CCDC15: variants seen among roughly 807,000 people sequenced by gnomAD.
CCDC15 encodes coiled-coil domain containing 15.
Under a neutral mutation model 114.5 loss-of-function variants are expected in CCDC15, and 105 were observed. The observed-to-expected ratio is 0.92, with a 90% confidence interval of 0.78 to 1.08. The LOEUF (loss-of-function observed/expected upper bound fraction) is 1.08, where lower values mean the gene tolerates loss of function less well. Ranked by LOEUF, CCDC15 falls within the 50% of genes least tolerant of loss-of-function variation. The pLI is 0.00. For missense variants in CCDC15, 1,105 were observed against 1,093.6 expected (o/e 1.01, Z -0.15); for synonymous variants, 334 against 377.8 (o/e 0.88, Z 1.34).
chr11:124,992,915 T>G (rs1391429781), intron 10 of CCDC15, among the ~76,000 whole-genome samples: 1 of 152,212 alleles, frequency 6.6e-6, no homozygotes. Context: ...GGAGAAGAGA[T>G]AGATAATAAA....
chr11:125,019,091 A>G (rs1039027201), intron 13 of CCDC15, among the ~76,000 whole-genome samples: 3 of 152,004 alleles, frequency 2.0e-5, no homozygotes, highest in Non-Finnish European at 2.9e-5. Flanking sequence ...TGAGAAAAAA[A>G]TTTGACTTCA....
At chr11:124,954,520 A>C (rs1244990600) in intron 1 of CCDC15, 150 bp downstream of exon 1, 1 of 440,838 alleles carries the variant, frequency 2.3e-6, no homozygotes, top group Non-Finnish European at 4.1e-6. Flanking sequence ...CAACTTAAAA[A>C]CCTTTCTTTG....
In CCDC15 at chr11:125,025,077, T is replaced by TATGA. The variant is rs1555074476; in HGVS notation, c.2412-13352_2412-13351insGAAT. 6.7e-4 allele frequency among the ~76,000 whole-genome samples: 82 copies of TATGA among 121,490 alleles called. 1 individual carries two copies. The highest frequency in any genetic ancestry group is 1.4e-3 in the East Asian group (6 of 4,156). 79.7% of individuals were successfully genotyped at this position (121,490 alleles called of 152,430 possible). A position where few individuals can be genotyped will look rare whatever the true frequency, so the allele number is the denominator to read the frequency against. Reference sequence around the variant, plus strand: ...ATGAATATATATATGAATATATGAATATATATGAATATATATATGAATATA... The same window carrying TATGA: ...ATGAATATATATATGAATATATGAATATGAATATATGAATATATATATGAATATA... On this transcript the variant is annotated intron_variant, in intron 13 of 15. Transcript: ENST00000344762.
chr11:125,037,905 T>G (rs1948786687), intron 13 of CCDC15, among the ~76,000 whole-genome samples: 1 of 148,406 alleles, frequency 6.7e-6, no homozygotes, highest in Non-Finnish European at 1.5e-5. Context: ...TTTGCTACAT[T>G]CTTACAGAAA....
chr11:125,027,924 T>C (rs1160840354), intron 13 of CCDC15, among the ~76,000 whole-genome samples: 1 of 152,162 alleles, frequency 6.6e-6, no homozygotes, highest in African/African-American at 2.4e-5. Context: ...ATGTGAGAGA[T>C]GAGGATCCAG....
chr11:124,984,093 G>A (rs927632509), intron 6 of CCDC15, among the ~76,000 whole-genome samples: 5 of 151,912 alleles, frequency 3.3e-5, no homozygotes, highest in Non-Finnish European at 7.4e-5. Context: ...GGCAGGGTGC[G>A]CTCACATTGG....
intron 6 of CCDC15, among the ~76,000 whole-genome samples, chr11:124,984,287 T>G (rs1948121242): frequency 6.6e-6 from 1 of 152,090 alleles, no homozygotes; most frequent in African/African-American, 2.4e-5. Context: ...TGGTGTGGTC[T>G]GCTGTGATGG....
chr11:124,986,667 C>CTGTGTGTGGG, intron 6 of CCDC15, 75 bp from the exon 7 acceptor site: 1 of 1,089,548 alleles, frequency 9.2e-7, no homozygotes, highest in Non-Finnish European at 1.2e-6. Context: ...CTACATGGTG[C>CTGTGTGTGGG]TGTGTGTGTG....
intron 4 of CCDC15, among the ~76,000 whole-genome samples, chr11:124,972,384 A>G (rs1056891550): frequency 2.0e-5 from 3 of 152,210 alleles, no homozygotes; most frequent in African/African-American, 7.2e-5. Flanking sequence ...ATGTATATAT[A>G]TACCACAGAC....
chr11:125,022,757 A>G (rs1355128508), intron 13 of CCDC15, among the ~76,000 whole-genome samples: 2 of 151,972 alleles, frequency 1.3e-5, no homozygotes, highest in Non-Finnish European at 2.9e-5. Flanking sequence ...AACTGGCCTC[A>G]TACTACTGTT....
At chr11:125,013,186 G>A (rs1948606832) in intron 13 of CCDC15, among the ~76,000 whole-genome samples, 2 of 152,160 alleles carry the variant, frequency 1.3e-5, no homozygotes, top group Admixed American at 6.5e-5. Flanking sequence ...GGATAGTCTA[G>A]GGAGGTCAAG....
At chr11:125,016,347 C>G (rs761840719) in intron 13 of CCDC15, among the ~76,000 whole-genome samples, 3 of 151,916 alleles carry the variant, frequency 2.0e-5, no homozygotes, top group Non-Finnish European at 4.4e-5. Flanking sequence ...TAAAAGCAAC[C>G]TGACAAAAAC....
chr11:125,015,841 C>G (rs1948625790), intron 13 of CCDC15, among the ~76,000 whole-genome samples: 1 of 152,122 alleles, frequency 6.6e-6, no homozygotes, highest in Non-Finnish European at 1.5e-5. Context: ...AATATTGGCA[C>G]AATGATCTTT....
intron 13 of CCDC15, among the ~76,000 whole-genome samples, chr11:125,018,564 C>T (rs1204413198): frequency 2.0e-5 from 3 of 152,044 alleles, no homozygotes; most frequent in African/African-American, 4.8e-5. Flanking sequence ...CAAGTCCCAG[C>T]TCTGCTACCT....
intron 4 of CCDC15, among the ~76,000 whole-genome samples, chr11:124,961,504 G>A (rs948607544): frequency 1.3e-5 from 2 of 152,120 alleles, no homozygotes; most frequent in African/African-American, 4.8e-5. Context: ...TACACATTTT[G>A]TATTGGTAAA....
At chr11:124,960,059 T>C in intron 4 of CCDC15, 56 bp downstream of exon 4, 1 of 1,351,568 alleles carries the variant, frequency 7.4e-7, no homozygotes, top group Non-Finnish European at 9.9e-7. Context: ...TCCCCTAAAC[T>C]ATAAATATGA....
chr11:124,994,894 C>T (rs537924097), intron 11 of CCDC15, among the ~76,000 whole-genome samples: 150 of 152,280 alleles, frequency 9.9e-4, no homozygotes, highest in Admixed American at 2.8e-3. Flanking sequence ...AGGCTTACGG[C>T]AACCAGCAGT....
chr11:124,971,425 ATGACTT>A (rs1947879038), intron 4 of CCDC15, among the ~76,000 whole-genome samples: 1 of 152,184 alleles, frequency 6.6e-6, no homozygotes, highest in Non-Finnish European at 1.5e-5. Flanking sequence ...TGGATGGAGA[ATGACTT>A]TGATGAGTTG....
intron 6 of CCDC15, among the ~76,000 whole-genome samples, chr11:124,986,003 G>A (rs1948151142): frequency 2.6e-5 from 4 of 151,914 alleles, no homozygotes; most frequent in African/African-American, 9.7e-5. Flanking sequence ...TTAATTTTAG[G>A]TCTGTGATCC....
Sources: allele counts gnomAD v4.1 joint callset (sites outside exome capture counted in the v4.1 genomes callset), GRCh38; gene constraint gnomAD v4.1.1; transcripts MANE v1.5; gene names NCBI Gene and HGNC (gene_info 2026-07-23, HGNC 2026-07-21).